Variants in SEL1L2 observed in about 807,000 individuals in gnomAD.
SEL1L2 encodes the protein SEL1L2 adaptor subunit of SYVN1 ubiquitin ligase, also known as protein sel-1 homolog 2.
In SEL1L2, 89 loss-of-function variants were observed where a neutral mutation model predicts 98.8. The observed-to-expected ratio is 0.90, with a 90% CI of 0.76 to 1.07. SEL1L2 has a LOEUF of 1.07. SEL1L2 is among the 50% of genes least tolerant of loss of function. The pLI, the probability that SEL1L2 is intolerant of heterozygous loss-of-function variation, is 0.00. For missense variants in SEL1L2, 788 were observed against 812.0 expected (o/e 0.97, Z 0.36); for synonymous variants, 262 against 278.5 (o/e 0.94, Z 0.59).
At chr20:13,889,704 T>C (rs535558223) in intron 5 of SEL1L2, among the ~76,000 whole-genome samples, 10 of 152,082 alleles carry the variant, frequency 6.6e-5, no homozygotes, top group Non-Finnish European at 1.5e-4. Flanking sequence ...GGCAGGAGAA[T>C]GGTGTGAACC....
In SEL1L2 at chr20:13,849,480, G is replaced by A. The variant is rs375987285; in HGVS notation, c.*5C>T. 34 of 1,613,336 alleles carry A rather than the reference G, an allele frequency of 2.1e-5. No homozygotes were observed. The highest frequency in any genetic ancestry group is 1.6e-4 in the Middle Eastern group (1 of 6,074). ...CCGTGAGCAGGTTTTCCTGTGATCC[G>A]CATCCTACCCATGGTGATTTCTAAG... On this transcript the variant is annotated 3_prime_UTR_variant, in exon 20 of 20. Transcript: ENST00000284951.
chr20:13,882,810 G>GTATTTTT, intron 10 of SEL1L2, among the ~76,000 whole-genome samples: 2 of 116,192 alleles, frequency 1.7e-5, no homozygotes, highest in African/African-American at 3.1e-5. Context: ...AAGTCAATTT[G>GTATTTTT]TCTTTTTTTT....
At chr20:13,888,398 T>C in intron 6 of SEL1L2, 61 bp downstream of exon 6, 1 of 1,112,482 alleles carries the variant, frequency 9.0e-7, no homozygotes, top group Non-Finnish European at 1.3e-6. Flanking sequence ...GAGTAGATTT[T>C]ATTCAATGTC....
At chr20:13,929,510 T>TTTG in intron 3 of SEL1L2, among the ~76,000 whole-genome samples, 1 of 134,338 alleles carries the variant, frequency 7.4e-6, no homozygotes, top group African/African-American at 2.8e-5. Context: ...TTTTTTTTTT[T>TTTG]TTTGAGACGG....
chr20:13,923,775 A>G (rs2048762695), intron 3 of SEL1L2, among the ~76,000 whole-genome samples: 1 of 152,154 alleles, frequency 6.6e-6, no homozygotes, highest in African/African-American at 2.4e-5. Flanking sequence ...AAACAAATAA[A>G]CAAAAAAAGA....
intron 3 of SEL1L2, among the ~76,000 whole-genome samples, chr20:13,931,045 T>C (rs62207702): frequency 0.092 from 8,588 of 92,884 alleles, 281 homozygotes; most frequent in Non-Finnish European, 0.11. Context: ...GACAGGAGTA[T>C]CTATTTTTTT....
At chr20:13,990,814 G>A (rs2052509853), upstream of SEL1L2, among the ~76,000 whole-genome samples, 1 of 152,210 alleles carries the variant, frequency 6.6e-6, no homozygotes, top group Admixed American at 6.5e-5. Flanking sequence ...GAAAGGAAGG[G>A]ACCAGAAGTC....
chr20:13,905,498 TAG>T (rs1253242185), intron 5 of SEL1L2, among the ~76,000 whole-genome samples: 2 of 151,952 alleles, frequency 1.3e-5, no homozygotes, highest in Non-Finnish European at 2.9e-5. Flanking sequence ...TATTTTTTAG[TAG>T]AGACAGGGTT....
At chr20:13,994,674 G>C (rs1428423243), upstream of SEL1L2, among the ~76,000 whole-genome samples, 1 of 152,142 alleles carries the variant, frequency 6.6e-6, no homozygotes, top group East Asian at 1.9e-4. Context: ...CGCCAGGTGA[G>C]TATTATCCAG....
At chr20:13,865,562 C>CA in intron 15 of SEL1L2, 48 bp from the exon 16 acceptor site, 1 of 1,492,054 alleles carries the variant, frequency 6.7e-7, no homozygotes, top group Non-Finnish European at 9.2e-7. Flanking sequence ...CAGTATGCTT[C>CA]ACCCCAGGCA....
At chr20:13,975,095 T>A (rs1422285437) in intron 1 of SEL1L2, among the ~76,000 whole-genome samples, 2 of 152,194 alleles carry the variant, frequency 1.3e-5, no homozygotes, top group Non-Finnish European at 2.9e-5. Context: ...AGGTTTTTTT[T>A]ACTACATTTT....
At position 13,894,107 on chromosome 20, in the gene SEL1L2, A is replaced by C. The variant is rs2148039382; in HGVS notation, c.550-5595T>G. 1.3e-5 allele frequency among the ~76,000 whole-genome samples: 2 copies of C among 152,310 alleles called. 1 individual carries two copies. The highest frequency in any genetic ancestry group is 4.1e-4 in the South Asian group (2 of 4,826). On this transcript the variant is annotated intron_variant, in intron 5 of 19. Coordinates refer to ENST00000284951, the MANE Select transcript of SEL1L2 (RefSeq NM_025229.2). ...CATTACTAAAGAAGATCTCAAATAAACAACCTAACTTTATACCTCAAAGAA... is the reference window on the plus strand; with the variant it reads ...CATTACTAAAGAAGATCTCAAATAACCAACCTAACTTTATACCTCAAAGAA...
chr20:13,862,911 G>T (rs1229762586), intron 17 of SEL1L2, among the ~76,000 whole-genome samples: 1 of 151,874 alleles, frequency 6.6e-6, no homozygotes, highest in Non-Finnish European at 1.5e-5. Context: ...TGCCCAGCCT[G>T]GTCTTGAACT....
intron 8 of SEL1L2, among the ~76,000 whole-genome samples, chr20:13,886,826 T>C (rs1343235836): frequency 6.6e-6 from 1 of 151,630 alleles, no homozygotes; most frequent in Non-Finnish European, 1.5e-5. Flanking sequence ...AGGCAGAGGC[T>C]GCAGTGAGCC....
At chr20:13,865,660 G>A (rs1990884334) in intron 15 of SEL1L2, 146 bp from the exon 16 acceptor site, 2 of 622,152 alleles carry the variant, frequency 3.2e-6, no homozygotes, top group South Asian at 4.6e-5. Flanking sequence ...AATTATTTAG[G>A]GTAAAGAGTT....
chr20:13,876,058 A>G lies in SEL1L2; in HGVS notation c.1084T>C (p.Phe362Leu). ...PQNNATAFKYFSMAASKGNAI... is the reference protein window; with the variant it reads ...PQNNATAFKYLSMAASKGNAI... ...CATACCTTACTGGCTGCCATGGAAA[A>G]GTACTTGAAGGCAGTAGCGTTATTT... The change falls in exon 12 of 20, where the codon TTT (phenylalanine) becomes CTT (leucine). Residue 362 changes from phenylalanine to leucine, a missense_variant. Phe to Leu is a conservative substitution (Grantham distance 22). Coordinates refer to ENST00000284951, the MANE Select transcript of SEL1L2 (RefSeq NM_025229.2). The G allele has an allele frequency of 6.2e-7, 1 of 1,613,916 alleles. No homozygotes were observed. Among genetic ancestry groups the G allele is most frequent in the Non-Finnish European group, 8.5e-7 (1 of 1,179,734 alleles).
intron 10 of SEL1L2, among the ~76,000 whole-genome samples, chr20:13,881,689 T>C (rs935277534): frequency 6.6e-6 from 1 of 152,278 alleles, no homozygotes; most frequent in Admixed American, 6.5e-5. Flanking sequence ...AGAGATTAGT[T>C]CAACCAAACA....
chr20:13,888,593 G>T (rs2047060662), intron 5 of SEL1L2, 81 bp from the exon 6 acceptor site: 37 of 555,814 alleles, frequency 6.7e-5, no homozygotes, highest in South Asian at 2.3e-4. Context: ...TATCTTAAAT[G>T]TCTGCTTCAT....
At position 13,885,287 on chromosome 20, in the gene SEL1L2, C is replaced by A. The variant is rs945716360; in HGVS notation, c.957+60G>T. 7.3e-6 allele frequency: 8 copies of A among 1,098,164 alleles called. No individual in the cohort carries two copies. The African/African-American group carries it at 7.7e-5, about 11-fold the overall frequency. 68.0% of individuals were successfully genotyped at this position (1,098,164 alleles called of 1,614,324 possible). On this transcript the variant is annotated intron_variant, in intron 10 of 19. Transcript: ENST00000284951. ...CCCTCCCCCTGCTTTCACTTCCCTG[C>A]CAGCCTCCCTCACCACTACCTTCCC...
Sources: allele counts gnomAD v4.1 joint callset (sites outside exome capture counted in the v4.1 genomes callset), GRCh38; gene constraint gnomAD v4.1.1; transcripts MANE v1.5; gene names NCBI Gene and HGNC (gene_info 2026-07-23, HGNC 2026-07-21).